Variants in PIF1 observed in about 807,000 individuals in gnomAD.
PIF1 encodes ATP-dependent DNA helicase PIF1.
PIF1 carries 67 observed loss-of-function variants against 62.3 expected under a neutral mutation model. The observed-to-expected ratio is 1.08, with a 90% CI of 0.88 to 1.32. PIF1 has a LOEUF of 1.32. PIF1 is among the 40% of genes most tolerant of loss of function. The pLI, the probability that PIF1 is intolerant of heterozygous loss-of-function variation, is 0.00. For missense variants in PIF1, 886 were observed against 866.1 expected (o/e 1.02, Z -0.29); for synonymous variants, 364 against 379.5 (o/e 0.96, Z 0.47).
At position 64,822,524 on chromosome 15, in the gene PIF1, C is replaced by G. The variant is rs142382246; in HGVS notation, c.645G>C (p.Leu215=). 1.2e-6 allele frequency: 2 copies of G among 1,614,116 alleles called. No homozygotes were observed. The highest frequency in any genetic ancestry group is 1.7e-6 in the Non-Finnish European group (2 of 1,180,026). The change falls in exon 3 of 13, where the codon CTG becomes CTC. Residue 215 remains leucine (L), a synonymous_variant. Coordinates refer to ENST00000559239, the MANE Select transcript of PIF1 (RefSeq NM_001286496.2). ...PQLSEEQAAV[L]RAVLKGQSIF... ...TGCTCTGGCCTTTCAGGACGGCCCT[C>G]AGCACAGCAGCCTGTTCCTCAGAAA...
At chr15:64,826,353 C>A (rs2084367034), upstream of PIF1, among the ~76,000 whole-genome samples, 1 of 151,878 alleles carries the variant, frequency 6.6e-6, no homozygotes, top group South Asian at 2.1e-4. Flanking sequence ...AATTACATAG[C>A]TGGAAAGGAT....
chr15:64,816,014 T>G lies in PIF1; in HGVS notation c.*284A>C. The G allele has an allele frequency of 6.7e-7, 1 of 1,486,306 alleles. No individual in the cohort carries two copies. The highest frequency in any genetic ancestry group is 1.4e-5 in the South Asian group (1 of 73,658). 92.1% of individuals were successfully genotyped at this position (1,486,306 alleles called of 1,614,324 possible). On this transcript the variant is annotated 3_prime_UTR_variant, in exon 13 of 13. Transcript: ENST00000559239. ...AGCCCTTGCAGAGAGCTTTGTCCTC[T>G]GACATCAGCTACCACACAGGCTCAT...
chr15:64,822,557 C>T lies in PIF1; in HGVS notation c.612G>A (p.Lys204=), dbSNP rs72744798. 8.2e-5 allele frequency: 132 copies of T among 1,614,132 alleles called. No individual in the cohort carries two copies. The highest frequency in any genetic ancestry group is 1.1e-4 in the Non-Finnish European group (130 of 1,180,028). ...PVKRLSLPST[K]PQLSEEQAAV... ...CAGCCTGTTCCTCAGAAAGCTGTGG[C>T]TTGGTGGAGGGCAAGCTCAGCCTCT... The change falls in exon 3 of 13, where the codon AAG becomes AAA. Residue 204 remains lysine, a synonymous_variant. Coordinates refer to ENST00000559239, the MANE Select transcript of PIF1 (RefSeq NM_001286496.2).
At chr15:64,826,557 G>A (rs1402578440), upstream of PIF1, among the ~76,000 whole-genome samples, 5 of 144,180 alleles carry the variant, frequency 3.5e-5, no homozygotes, top group African/African-American at 1.0e-4. Context: ...TCCGCCTCCT[G>A]GGCTCTGGTG....
chr15:64,827,001 A>G (rs1479328373), upstream of PIF1, among the ~76,000 whole-genome samples: 1 of 152,034 alleles, frequency 6.6e-6, no homozygotes, highest in Non-Finnish European at 1.5e-5. Context: ...TAATCACTCC[A>G]TGGGGCTTAG....
upstream of PIF1, among the ~76,000 whole-genome samples, chr15:64,826,677 C>T (rs1453027179): frequency 8.5e-4 from 76 of 89,238 alleles, no homozygotes; most frequent in South Asian, 1.2e-3. Flanking sequence ...CACACACACA[C>T]ACATATATAC....
chr15:64,824,180 C>T lies in PIF1; in HGVS notation c.156G>A (p.Glu52=). 1 of 1,338,482 alleles carries T rather than the reference C, an allele frequency of 7.5e-7. No homozygotes were observed. The allele number at this position is 1,338,482 out of a possible 1,614,324, so 82.9% of individuals were successfully genotyped here. Residue 52 remains glutamate (E), a synonymous_variant, in exon 2 of 13, where the codon GAG becomes GAA. Coordinates refer to ENST00000559239, the MANE Select transcript of PIF1 (RefSeq NM_001286496.2). ...CTGGCGCTTGCAGCCGCAGCATCAA[C>T]TCGCGGCGCTCGTTGCGACCCAGGC... ...ELSLGRNERR[E]LMLRLQAPGP...
chr15:64,822,439 C>CCCACCACT, intron 3 of PIF1, 39 bp downstream of exon 3: 1 of 1,614,124 alleles, frequency 6.2e-7, no homozygotes, highest in Non-Finnish European at 8.5e-7. Context: ...TCTATCCCAC[C>CCCACCACT]CCACCACTGT....
Position 64,818,196 on chromosome 15 carries a change from C to T in PIF1, c.1528+61G>A. On this transcript the variant is annotated intron_variant, in intron 10 of 12. Coordinates refer to ENST00000559239, the MANE Select transcript of PIF1 (RefSeq NM_001286496.2). ...CTTCCTAGTCTTTTTCTCCCCCCAC[C>T]ATTCCCGGGGCCATGCTGCAAAGCC... 2.5e-6 allele frequency: 4 copies of T among 1,610,110 alleles called. 1 individual carries two copies. In the Admixed American group the frequency reaches 6.7e-5, roughly 27 times the overall value.
Position 64,816,184 on chromosome 15 carries a change from C to T in PIF1, c.*114G>A, listed in dbSNP as rs1013584108. The T allele has an allele frequency of 1.2e-5, 19 of 1,547,264 alleles. No homozygotes were observed. In the African/African-American group the frequency reaches 2.3e-4, roughly 19 times the overall value. ...GGAGGCTGAGAGTCCCTAAAAAATA[C>T]AGAAGGGGACACTGCCTGCCTACTC... On this transcript the variant is annotated 3_prime_UTR_variant, in exon 13 of 13. Coordinates refer to ENST00000559239, the MANE Select transcript of PIF1 (RefSeq NM_001286496.2).
In PIF1 at chr15:64,824,119, C is replaced by T. The variant is rs1206303524; in HGVS notation, c.217G>A (p.Ala73Thr). 4 of 1,273,826 alleles carry T rather than the reference C, an allele frequency of 3.1e-6. No individual in the cohort carries two copies. The highest frequency in any genetic ancestry group is 3.0e-6 in the Non-Finnish European group (3 of 1,011,810). 78.9% of individuals were successfully genotyped at this position (1,273,826 alleles called of 1,614,324 possible). The change falls in exon 2 of 13, where the codon GCC (alanine) becomes ACC (threonine). Residue 73 changes from alanine (A) to threonine (T), a missense_variant. Coordinates refer to ENST00000559239, the MANE Select transcript of PIF1 (RefSeq NM_001286496.2). ...AGRPRCFPLR[A>T]ARLFTRFAEA... ...GCGAAACGCGTGAAGAGGCGCGCGG[C>T]GCGCAGAGGAAAGCAGCGCGGCCGC...
chr15:64,826,046 C>G (rs1434795208), upstream of PIF1, among the ~76,000 whole-genome samples: 1 of 152,192 alleles, frequency 6.6e-6, no homozygotes, highest in Non-Finnish European at 1.5e-5. Flanking sequence ...CTCTCACACC[C>G]CTGTTTACAC....
At position 64,823,794 on chromosome 15, in the gene PIF1, C is replaced by G. The variant is rs527276492; in HGVS notation, c.542G>C (p.Gly181Ala). Residue 181 changes from glycine to alanine, a missense_variant, in exon 2 of 13, where the codon GGG becomes GCG. Gly to Ala is a moderately conservative substitution (Grantham distance 60, BLOSUM62 0). Coordinates refer to ENST00000559239, the MANE Select transcript of PIF1 (RefSeq NM_001286496.2). ...LVKRPVEPQA[G>A]AEPSTEAPRW... is the part of the protein sequence containing the mutation. Reference sequence around the variant, plus strand: ...CGTCCTCACTGTGCTAGGCTCGGCCCCAGCCTGGGGCTCCACAGGCCGCTT... The same window carrying G: ...CGTCCTCACTGTGCTAGGCTCGGCCGCAGCCTGGGGCTCCACAGGCCGCTT... 9 of 1,340,950 alleles carry G rather than the reference C, an allele frequency of 6.7e-6. No homozygotes were observed. The highest frequency in any genetic ancestry group is 8.7e-6 in the Non-Finnish European group (9 of 1,036,550). The allele number at this position is 1,340,950 out of a possible 1,614,324, so 83.1% of individuals were successfully genotyped here. A position where few individuals can be genotyped will look rare whatever the true frequency, so the allele number is the denominator to read the frequency against.
chr15:64,818,136 C>A (rs1453944622), intron 10 of PIF1, 45 bp from the exon 11 acceptor site: 2 of 1,612,178 alleles, frequency 1.2e-6, no homozygotes, highest in African/African-American at 2.7e-5. Context: ...TGCTTCAGGG[C>A]TCTGAGGTGA....
rs138251570 is a variant in PIF1 at position 64,823,093 on chromosome 15, AC to A, written c.559-484del. Among the ~76,000 whole-genome samples the A allele has an allele frequency of 3.9e-3, 593 of 152,124 alleles. 3 individuals carry two copies. Among genetic ancestry groups the A allele is most frequent in the African/African-American group, 0.014 (575 of 41,512 alleles). ...CCATGAAAATTGTCAAACCCACCAGACTTTTTTCCCCTCATCTGCTTCAACT... is the reference window on the plus strand; with the variant it reads ...CCATGAAAATTGTCAAACCCACCAGATTTTTTCCCCTCATCTGCTTCAACT... On this transcript the variant is annotated intron_variant, in intron 2 of 12. Transcript: ENST00000559239.
In PIF1 at chr15:64,819,974, C is replaced by T; in HGVS notation, c.1206G>A (p.Glu402=). 1 of 1,613,796 alleles carries T rather than the reference C, an allele frequency of 6.2e-7. No individual in the cohort carries two copies. Among genetic ancestry groups the T allele is most frequent in the Non-Finnish European group, 8.5e-7 (1 of 1,179,854 alleles). Residue 402 remains glutamate, a synonymous_variant, in exon 8 of 13, where the codon GAG becomes GAA. Transcript: ENST00000559239. ...QAVRLGRCSD[E]VTRQLQATAS... Reference sequence around the variant, plus strand: ...CTGTGGCCTGGAGCTGGCGGGTCACCTCATCTGAACACCTGTTGGGGCTGG... The same window carrying T: ...CTGTGGCCTGGAGCTGGCGGGTCACTTCATCTGAACACCTGTTGGGGCTGG...
Position 64,822,276 on chromosome 15 carries a change from A to C in PIF1, c.807T>G (p.His269Gln), listed in dbSNP as rs752542702. The C allele has an allele frequency of 3.7e-6, 6 of 1,613,612 alleles. No homozygotes were observed. The South Asian group carries it at 6.6e-5, about 18-fold the overall frequency. Residue 269 changes from histidine to glutamine, a missense_variant, in exon 4 of 13, where the codon CAT becomes CAG. By Grantham distance (24) the His-to-Gln change is conservative (BLOSUM62 0). Transcript: ENST00000559239. Reference protein sequence around the residue: ...AACHIGGTTLHAFAGIGSGQA... With the variant: ...AACHIGGTTLQAFAGIGSGQA... ...GGGGTTCCTACTTACCTGCAAAGGC[A>C]TGGAGGGTGGTGCCCCCGATGTGGC...
intron 9 of PIF1, chr15:64,818,747 ATCT>A: frequency 3.4e-6 from 1 of 295,438 alleles, no homozygotes; most frequent in Non-Finnish European, 6.3e-6. Context: ...CCTAAGGAAA[ATCT>A]TCTGCCCACC....
rs373964553 is a variant in PIF1, at chr15:64,817,967, C to T, written c.1653G>A (p.Ala551=). 3.0e-5 allele frequency: 49 copies of T among 1,612,812 alleles called. No homozygotes were observed. The highest frequency in any genetic ancestry group is 1.9e-4 in the African/African-American group (14 of 74,998). ...TCACTTGGCTCTTGTGGATGGACAT[C>T]GCCCAGGCCAGCTGGAGGGGCAGCT... ...RQQLPLQLAW[A]MSIHKSQGMT... Residue 551 remains alanine, a synonymous_variant, in exon 11 of 13, where the codon GCG becomes GCA. Coordinates refer to ENST00000559239, the MANE Select transcript of PIF1 (RefSeq NM_001286496.2).
Sources: allele counts gnomAD v4.1 joint callset (sites outside exome capture counted in the v4.1 genomes callset), GRCh38; gene constraint gnomAD v4.1.1; transcripts MANE v1.5; gene names NCBI Gene and HGNC (gene_info 2026-07-23, HGNC 2026-07-21).